The following PPARA variants were observed in gnomAD, a reference collection of about 807,000 sequenced individuals.
PPARA encodes peroxisome proliferator-activated receptor alpha.
Under a neutral mutation model 42.2 loss-of-function variants are expected in PPARA, and 22 were observed. That is an observed-to-expected ratio of 0.52 (90% CI 0.37 to 0.74). The LOEUF (loss-of-function observed/expected upper bound fraction) is 0.74. Among genes scored for constraint, PPARA ranks in the 30% least tolerant of loss-of-function variants. PPARA has a pLI of 0.00. For missense variants in PPARA, 465 were observed against 608.2 expected (o/e 0.76, Z 2.48); for synonymous variants, 242 against 239.3 (o/e 1.01, Z -0.10).
rs1254925341 is a variant in PPARA at position 46,234,345 on chromosome 22, C to G, written c.1160-788C>G. Among the ~76,000 whole-genome samples, 1 of 152,152 alleles carries G rather than the reference C, an allele frequency of 6.6e-6. No homozygotes were observed. The highest frequency in any genetic ancestry group is 1.9e-4 in the East Asian group (1 of 5,206). ...GTTTAAATCCTCATCACTAGCAACC[C>G]TGTTAAGAATCATAGTAATGACTGG... is the stretch of plus-strand genomic sequence containing the variant. On this transcript the variant is annotated intron_variant, in intron 8 of 8. Coordinates refer to ENST00000407236, the MANE Select transcript of PPARA (RefSeq NM_005036.6). The surrounding 1 kb of genome is among the most constrained non-coding windows in gnomAD (Gnocchi z 5.8).
chr22:46,210,672 G>C (rs890485917), intron 4 of PPARA, among the ~76,000 whole-genome samples: 6 of 152,184 alleles, frequency 3.9e-5, no homozygotes, highest in African/African-American at 7.2e-5. Flanking sequence ...TTGAACTCTT[G>C]ACCTCAAGTG....
chr22:46,158,267 C>T (rs1031450195), intron 2 of PPARA, among the ~76,000 whole-genome samples: 2 of 152,040 alleles, frequency 1.3e-5, no homozygotes, highest in East Asian at 1.9e-4. Context: ...ATTAGCCAGG[C>T]TTGGTATCAG....
intron 3 of PPARA, among the ~76,000 whole-genome samples, chr22:46,177,068 G>A (rs531448072): frequency 3.2e-4 from 49 of 152,070 alleles, no homozygotes; most frequent in Middle Eastern, 3.4e-3. Flanking sequence ...AAAATTAGCC[G>A]GGCATGGTGG....
intron 3 of PPARA, 99 bp downstream of exon 3, chr22:46,176,935 G>A (rs1929152759): frequency 6.6e-6 from 1 of 152,310 alleles, no homozygotes; most frequent in South Asian, 2.1e-4. Flanking sequence ...TGTTGGCCGG[G>A]CGCAGTGGCT....
chr22:46,209,971 C>G (rs1933760574), intron 4 of PPARA, among the ~76,000 whole-genome samples: 1 of 152,138 alleles, frequency 6.6e-6, no homozygotes, highest in African/African-American at 2.4e-5. Context: ...TCTCAAACTC[C>G]TGGGTTCAAA....
intron 3 of PPARA, among the ~76,000 whole-genome samples, chr22:46,197,413 C>G (rs1010896510): frequency 1.3e-5 from 2 of 152,200 alleles, no homozygotes; most frequent in Non-Finnish European, 2.9e-5. Flanking sequence ...GGAGCTGCGA[C>G]AGCTGCGCAG....
chr22:46,207,644 TTTA>T (rs34052175), intron 4 of PPARA, among the ~76,000 whole-genome samples: 1,945 of 91,350 alleles, frequency 0.021, 101 homozygotes, highest in Middle Eastern at 0.079. Context: ...AATTAATTAA[TTTA>T]TTATTATTAT....
At chr22:46,174,190 AAG>A (rs150359508) in intron 2 of PPARA, among the ~76,000 whole-genome samples, 17,337 of 125,984 alleles carry the variant, frequency 0.14, 3,224 homozygotes, top group African/African-American at 0.5. Context: ...AGAAGGAAGA[AAG>A]AGAGAGAGAG....
chr22:46,235,035 A>G lies in PPARA; in HGVS notation c.1160-98A>G. The G allele has an allele frequency of 1.3e-6, 2 of 1,544,336 alleles. No homozygotes were observed. Among genetic ancestry groups the G allele is most frequent in the Non-Finnish European group, 1.8e-6 (2 of 1,119,094 alleles). On this transcript the variant is annotated intron_variant, in intron 8 of 8. Transcript: ENST00000407236. The surrounding 1 kb of genome is among the most constrained non-coding windows in gnomAD (Gnocchi z 7.0). The stretch of plus-strand genomic sequence containing the variant: ...AAAGGCAGCTCAGTTTTTTTCTAAG[A>G]AAGGCCACATAAAATAGGCATGTTT...
chr22:46,208,289 C>A (rs1170863940), intron 4 of PPARA, among the ~76,000 whole-genome samples: 1 of 151,908 alleles, frequency 6.6e-6, no homozygotes. Context: ...TGAGGCCAGG[C>A]CCAATCCCAG....
At chr22:46,214,990 A>G (rs1438776402) in intron 4 of PPARA, among the ~76,000 whole-genome samples, 183 bp from the exon 5 acceptor site, 2 of 152,118 alleles carry the variant, frequency 1.3e-5, no homozygotes, top group Non-Finnish European at 1.5e-5. Context: ...GCACAGCACA[A>G]TGGCAGCTGT....
In PPARA at chr22:46,235,206, C is replaced by A; in HGVS notation, c.1233C>A (p.His411Gln). 1.2e-6 allele frequency: 2 copies of A among 1,614,112 alleles called. No homozygotes were observed. The highest frequency in any genetic ancestry group is 1.7e-6 in the Non-Finnish European group (2 of 1,179,996). ...GTATTGTACATGTGCTCAGACTCCA[C>A]CTGCAGAGCAACCACCCGGACGATA... The part of the protein sequence containing the change: ...QEGIVHVLRL[H>Q]LQSNHPDDIF... Residue 411 changes from histidine to glutamine, a missense_variant, in exon 9 of 9, where the codon CAC (histidine) becomes CAA (glutamine). By Grantham distance (24) the His-to-Gln change is conservative (BLOSUM62 0). This residue lies in a region of PPARA where 313 missense variants were observed against 469.1 expected (regional missense o/e 0.67). Transcript: ENST00000407236. This position sits in a 1 kb window ranked among gnomAD's most constrained non-coding sequence, Gnocchi z 7.0.
rs903202628 is a variant in PPARA, at chr22:46,200,516, G to A, written c.208+1925G>A. On this transcript the variant is annotated intron_variant, in intron 4 of 8. Transcript: ENST00000407236. The surrounding 1 kb of genome is among the most constrained non-coding windows in gnomAD (Gnocchi z 4.8). ...TAGAAAAGGTTACAGCAAAAATACAGTATTATCATCTTATGGGACCATGAT... is the reference window on the plus strand; with the variant it reads ...TAGAAAAGGTTACAGCAAAAATACAATATTATCATCTTATGGGACCATGAT... Among the ~76,000 whole-genome samples, 3 of 152,272 alleles carry A rather than the reference G, an allele frequency of 2.0e-5. No individual in the cohort carries two copies. Among genetic ancestry groups the A allele is most frequent in the African/African-American group, 7.2e-5 (3 of 41,484 alleles).
At chr22:46,220,934 C>T (rs1300821528) in intron 7 of PPARA, among the ~76,000 whole-genome samples, 2 of 139,238 alleles carry the variant, frequency 1.4e-5, no homozygotes, top group South Asian at 2.1e-4. Context: ...CAGATCGAGA[C>T]CCTATCTCAA....
Position 46,215,166 on chromosome 22 carries a change from T to A in PPARA, c.209-7T>A, listed in dbSNP as rs1462417571. On this transcript the variant is annotated splice_region_variant and splice_polypyrimidine_tract_variant and intron_variant, in intron 4 of 8. Transcript: ENST00000407236. ...ACTATTCATCCGTCTCTCCTCTTTT[T>A]CCCCAGACACGCTTTCACCAGCTTC... 1 of 1,613,600 alleles carries A rather than the reference T, an allele frequency of 6.2e-7. No individual in the cohort carries two copies. Among genetic ancestry groups the A allele is most frequent in the Admixed American group, 1.7e-5 (1 of 60,000 alleles).
intron 4 of PPARA, among the ~76,000 whole-genome samples, chr22:46,205,023 A>G (rs1430353204): frequency 1.3e-5 from 2 of 151,164 alleles, no homozygotes; most frequent in Non-Finnish European, 2.9e-5. Flanking sequence ...GTGTACCACC[A>G]TGCTTGGCTA....
chr22:46,170,150 T>C (rs1927767368), intron 2 of PPARA, among the ~76,000 whole-genome samples: 1 of 151,774 alleles, frequency 6.6e-6, no homozygotes, highest in Non-Finnish European at 1.5e-5. Context: ...CTGCAACCAG[T>C]CTTGTCCTTT....
chr22:46,215,355 G>C (rs200656207), intron 5 of PPARA, 22 bp downstream of exon 5: 7 of 1,614,046 alleles, frequency 4.3e-6, no homozygotes, highest in Non-Finnish European at 5.1e-6. Flanking sequence ...CTGGAACAGG[G>C]CCTGGTGGCC....
Position 46,211,429 on chromosome 22 carries a change from TAC to T in PPARA, c.209-3742_209-3741del, listed in dbSNP as rs1933920039. Among the ~76,000 whole-genome samples, 1 of 152,320 alleles carries T rather than the reference TAC, an allele frequency of 6.6e-6. No homozygotes were observed. The highest frequency in any genetic ancestry group is 1.9e-4 in the East Asian group (1 of 5,182). ...AGCCAGATCCTTTTGCCTTTAGTCT[TAC>T]AGATTCCAATCATTCCAAATTATTC... On this transcript the variant is annotated intron_variant, in intron 4 of 8. Coordinates refer to ENST00000407236, the MANE Select transcript of PPARA (RefSeq NM_005036.6). The surrounding 1 kb of genome is among the most constrained non-coding windows in gnomAD (Gnocchi z 4.1).
Sources: gnomAD v4.1 joint callset for allele counts (sites outside exome capture counted in the v4.1 genomes callset) on GRCh38, gnomAD v4.1.1 for gene constraint, gnomAD v4.1.1 regional missense constraint, Gnocchi (gnomAD v3.1) non-coding constraint, MANE v1.5 for transcripts, NCBI Gene and HGNC (gene_info 2026-07-23, HGNC 2026-07-21) for gene names.